The following TRIM67 variants were observed in gnomAD, a reference collection of about 807,000 sequenced individuals.
TRIM67 encodes the protein tripartite motif-containing protein 67.
TRIM67 carries 39 observed loss-of-function variants against 71.0 expected under a neutral mutation model. The observed-to-expected ratio is 0.55, with a 90% CI of 0.43 to 0.72. The LOEUF (loss-of-function observed/expected upper bound fraction) is 0.72, where lower values mean the gene tolerates loss of function less well. TRIM67 is among the 30% of genes least tolerant of loss of function. TRIM67 has a pLI of 0.00. For synonymous variants in TRIM67, 481 were observed against 473.9 expected (o/e 1.01, Z -0.19); for missense variants, 973 against 1,079.2 (o/e 0.90, Z 1.38).
intron 1 of TRIM67, among the ~76,000 whole-genome samples, chr1:231,192,262 C>A (rs1021050312): frequency 9.2e-5 from 14 of 152,118 alleles, no homozygotes; most frequent in Admixed American, 6.5e-5. Context: ...CAGTGATCTT[C>A]CTGCCTCAGC....
chr1:231,203,992 G>A lies in TRIM67; in HGVS notation c.1660G>A (p.Gly554Ser), dbSNP rs774996341. The part of the protein sequence containing the change: ...VDGYILELDD[G>S]AGGQFREVYV... The stretch of plus-strand genomic sequence containing the variant: ...CGGCTACATCCTGGAGCTGGACGAC[G>A]GTGCCGGGGGACAGTTCCGGGTGAG... The change falls in exon 6 of 10, where the codon GGT becomes AGT. Residue 554 changes from glycine (G) to serine (S), a missense_variant. Physicochemically the swap from Gly to Ser is moderately conservative, Grantham distance 56. Transcript: ENST00000366653. The A allele has an allele frequency of 1.2e-5, 19 of 1,613,880 alleles. No individual in the cohort carries two copies. The highest frequency in any genetic ancestry group is 1.6e-4 in the Middle Eastern group (1 of 6,082).
chr1:231,177,537 A>T (rs1012050075), intron 1 of TRIM67, among the ~76,000 whole-genome samples: 5 of 152,104 alleles, frequency 3.3e-5, no homozygotes, highest in African/African-American at 1.2e-4. Context: ...TGAGCTGATT[A>T]CTCTCTGGTC....
In TRIM67 at chr1:231,203,937, G is replaced by C. The variant is rs1004098703; in HGVS notation, c.1605G>C (p.Arg535Ser). ...TRNNSVTLAW[R>S]MPPFTHSPVD... ...ACAACAGCGTCACGCTGGCCTGGAG[G>C]ATGCCACCCTTCACCCACAGCCCCG... The change falls in exon 6 of 10, where the codon AGG (arginine) becomes AGC (serine). Residue 535 changes from arginine (R) to serine (S), a missense_variant. Arg to Ser is a moderately radical substitution (Grantham distance 110). This residue lies in a region of TRIM67 where 795 missense variants were observed against 831.3 expected (regional missense o/e 0.96). Transcript: ENST00000366653. The C allele has an allele frequency of 2.5e-6, 4 of 1,613,880 alleles. No individual in the cohort carries two copies. Among genetic ancestry groups the C allele is most frequent in the Admixed American group, 3.3e-5 (2 of 59,990 alleles).
chr1:231,209,253 G>A lies in TRIM67; in HGVS notation c.2123+3G>A, dbSNP rs1217759242. 4 of 1,536,502 alleles carry A rather than the reference G, an allele frequency of 2.6e-6. No homozygotes were observed. Among genetic ancestry groups the A allele is most frequent in the Admixed American group, 1.9e-5 (1 of 53,014 alleles). Reference sequence around the variant, plus strand: ...CACTGCAACTCCCACACCAACAGGTGCGATTGGGCCCCATCCTGCCTCCCG... The same window carrying A: ...CACTGCAACTCCCACACCAACAGGTACGATTGGGCCCCATCCTGCCTCCCG... On this transcript the variant is annotated splice_donor_region_variant and intron_variant, in intron 8 of 9. Transcript: ENST00000366653. The surrounding 1 kb of genome is among the most constrained non-coding windows in gnomAD (Gnocchi z 4.1).
rs1297971282 is a variant in TRIM67 at position 231,216,546 on chromosome 1, C to T, written c.*1106C>T. Reference sequence around the variant, plus strand: ...GGAAAGCCTGTTCTAGTCAGTCCACCCTATTGTCATTATGAAAGCATCATG... The same window carrying T: ...GGAAAGCCTGTTCTAGTCAGTCCACTCTATTGTCATTATGAAAGCATCATG... On this transcript the variant is annotated 3_prime_UTR_variant, in exon 10 of 10. Coordinates refer to ENST00000366653, the MANE Select transcript of TRIM67 (RefSeq NM_001004342.5). 1.0e-6 allele frequency: 1 copy of T among 985,394 alleles called. No individual in the cohort carries two copies. The highest frequency in any genetic ancestry group is 1.2e-6 in the Non-Finnish European group (1 of 829,976). 61.0% of individuals were successfully genotyped at this position (985,394 alleles called of 1,614,324 possible). A position where few individuals can be genotyped will look rare whatever the true frequency, so the allele number is the denominator to read the frequency against.
At chr1:231,186,292 G>A in intron 1 of TRIM67, 2 of 827,294 alleles carry the variant, frequency 2.4e-6, no homozygotes, top group Non-Finnish European at 3.8e-6. Flanking sequence ...AGTTGGAACA[G>A]GACAAATCGG....
intron 4 of TRIM67, among the ~76,000 whole-genome samples, chr1:231,200,840 T>C (rs1454219859): frequency 2.0e-5 from 3 of 152,160 alleles, no homozygotes; most frequent in Non-Finnish European, 2.9e-5. Flanking sequence ...TAAGCAGGAC[T>C]TTCCAGCAAA....
At position 231,209,320 on chromosome 1, in the gene TRIM67, G is replaced by A; in HGVS notation, c.2123+70G>A. 6.9e-7 allele frequency: 1 copy of A among 1,445,512 alleles called. No homozygotes were observed. The highest frequency in any genetic ancestry group is 9.2e-7 in the Non-Finnish European group (1 of 1,088,122). The allele number at this position is 1,445,512 out of a possible 1,614,324, so 89.5% of individuals were successfully genotyped here. On this transcript the variant is annotated intron_variant, in intron 8 of 9. Coordinates refer to ENST00000366653, the MANE Select transcript of TRIM67 (RefSeq NM_001004342.5). The surrounding 1 kb of genome is among the most constrained non-coding windows in gnomAD (Gnocchi z 4.1). ...GGGAATGAGGGTCCTGAAGACCAGT[G>A]TCCCTTCTGCTGTCCCCAAAGCCAG...
At chr1:231,200,723 G>A (rs1340717455) in intron 4 of TRIM67, among the ~76,000 whole-genome samples, 1 of 152,196 alleles carries the variant, frequency 6.6e-6, no homozygotes, top group Non-Finnish European at 1.5e-5. Context: ...CAGGAACATG[G>A]CAGTGATTCA....
chr1:231,208,397 A>C (rs2102759717), intron 7 of TRIM67, among the ~76,000 whole-genome samples: 1 of 151,952 alleles, frequency 6.6e-6, no homozygotes, highest in South Asian at 2.1e-4. Flanking sequence ...GATGGTCTTG[A>C]TCTCCTGACC....
chr1:231,187,496 G>T (rs1424480303), intron 1 of TRIM67: 2 of 1,495,458 alleles, frequency 1.3e-6, no homozygotes, highest in Non-Finnish European at 1.8e-6. Context: ...TCAGCCACAG[G>T]TTAAAAAAAA....
At chr1:231,200,332 C>A in intron 4 of TRIM67, 74 bp downstream of exon 4, 1 of 937,156 alleles carries the variant, frequency 1.1e-6, no homozygotes, top group South Asian at 1.3e-5. Context: ...AGCCCAAGTT[C>A]TAGGCAAGAT....
intron 9 of TRIM67, among the ~76,000 whole-genome samples, chr1:231,214,963 CA>C (rs1339678036): frequency 6.6e-6 from 1 of 151,686 alleles, no homozygotes; most frequent in Admixed American, 6.6e-5. Context: ...TTTTTTAATC[CA>C]AAAAATAAGA....
rs555800163 is a variant in TRIM67, at chr1:231,199,224, C to CGTGGAGCAGAGTA, written c.1263+59_1263+60insAGCAGAGTAGTGG. The CGTGGAGCAGAGTA allele has an allele frequency of 1.6e-4, 246 of 1,567,874 alleles. No homozygotes were observed. In the East Asian group the frequency reaches 4.5e-3, roughly 29 times the overall value. ...TCCCTGCCACATCCTCTGCACCCAG[C>CGTGGAGCAGAGTA]GTGGGGTGGAGCACAGAGTAGGCAC... On this transcript the variant is annotated intron_variant, in intron 3 of 9. Transcript: ENST00000366653.
chr1:231,218,623 C>CCAATT lies in TRIM67; in HGVS notation c.*3184_*3188dup. The CCAATT allele has an allele frequency of 2.0e-6, 2 of 985,440 alleles. No individual in the cohort carries two copies. Among genetic ancestry groups the CCAATT allele is most frequent in the Non-Finnish European group, 2.4e-6 (2 of 829,932 alleles). The allele number at this position is 985,440 out of a possible 1,614,324, so 61.0% of individuals were successfully genotyped here. A position where few individuals can be genotyped will look rare whatever the true frequency, so the allele number is the denominator to read the frequency against. On this transcript the variant is annotated 3_prime_UTR_variant, in exon 10 of 10. Coordinates refer to ENST00000366653, the MANE Select transcript of TRIM67 (RefSeq NM_001004342.5). ...TGTTCTCCTTGGGAAAATAATGATT[C>CCAATT]CAATTAAAGAGGACACCAGTAATAC...
intron 7 of TRIM67, 36 bp downstream of exon 7, chr1:231,206,826 T>G (rs1016225833): frequency 6.5e-6 from 10 of 1,541,478 alleles, no homozygotes; most frequent in Non-Finnish European, 8.8e-6. Context: ...AAGAACAGAT[T>G]CATCATTTTA....
intron 7 of TRIM67, 103 bp from the exon 8 acceptor site, chr1:231,208,844 G>A (rs1301842273): frequency 3.3e-6 from 4 of 1,220,020 alleles, no homozygotes; most frequent in Admixed American, 2.3e-5. Flanking sequence ...TCTGGGTGCC[G>A]ACTTTCTAAC....
At chr1:231,202,445 G>C (rs1319510807) in intron 5 of TRIM67, among the ~76,000 whole-genome samples, 1 of 152,162 alleles carries the variant, frequency 6.6e-6, no homozygotes, top group African/African-American at 2.4e-5. Context: ...TCAGAGGTGA[G>C]AGCAGAATGA....
In TRIM67 at chr1:231,163,029, G is replaced by A. The variant is rs1242073273; in HGVS notation, c.60G>A (p.Leu20=). 6.2e-7 allele frequency: 1 copy of A among 1,612,468 alleles called. No homozygotes were observed. Among genetic ancestry groups the A allele is most frequent in the Non-Finnish European group, 8.5e-7 (1 of 1,179,342 alleles). The change falls in exon 1 of 10, where the codon CTG becomes CTA. Residue 20 remains leucine, a synonymous_variant. Transcript: ENST00000366653. The stretch of plus-strand genomic sequence containing the variant: ...CTCTGTTTCGGGAGCCTATCATCCT[G>A]CCCTGTTCCCACAATGTCTGCCTGC... ...CGSLFREPII[L]PCSHNVCLPC...
Sources: gnomAD v4.1 joint callset for allele counts (sites outside exome capture counted in the v4.1 genomes callset) on GRCh38, gnomAD v4.1.1 for gene constraint, gnomAD v4.1.1 regional missense constraint, Gnocchi (gnomAD v3.1) non-coding constraint, MANE v1.5 for transcripts, NCBI Gene and HGNC (gene_info 2026-07-23, HGNC 2026-07-21) for gene names.